The following TMCO5A variants were observed in gnomAD, a reference collection of about 807,000 sequenced individuals.
The protein encoded by TMCO5A is transmembrane and coiled-coil domains 5A.
Under a neutral mutation model 42.3 loss-of-function variants are expected in TMCO5A, and 34 were observed. The observed-to-expected ratio is 0.80, with a 90% CI of 0.61 to 1.07. The LOEUF is 1.07. Ranked by LOEUF, TMCO5A falls within the 50% of genes least tolerant of loss-of-function variation. The pLI is 0.00. For missense variants in TMCO5A, 357 were observed against 327.9 expected (o/e 1.09, Z -0.69); for synonymous variants, 131 against 115.6 (o/e 1.13, Z -0.86).
Position 37,934,702 on chromosome 15 carries a change from T to C in TMCO5A, c.-103+8T>C, listed in dbSNP as rs1250522685. On this transcript the variant is annotated splice_region_variant and intron_variant, in intron 1 of 11. Coordinates refer to ENST00000319669, the MANE Select transcript of TMCO5A (RefSeq NM_152453.4). ...ACACATCAAAAAGGGGAGGTAGAGT[T>C]TGTAGAAGAAATAAAGGGGAAAAAA... 1 of 152,086 alleles carries C rather than the reference T, an allele frequency of 6.6e-6. No individual in the cohort carries two copies. The highest frequency in any genetic ancestry group is 2.4e-5 in the African/African-American group (1 of 41,418). 9.4% of individuals were successfully genotyped at this position (152,086 alleles called of 1,614,324 possible).
At chr15:37,945,225 C>T (rs1173001608) in intron 10 of TMCO5A, among the ~76,000 whole-genome samples, 1 of 152,104 alleles carries the variant, frequency 6.6e-6, no homozygotes, top group Non-Finnish European at 1.5e-5. Flanking sequence ...TTTATGGCCG[C>T]ATAGTATTCC....
chr15:37,965,902 G>C (rs919475013), intron 11 of TMCO5A, among the ~76,000 whole-genome samples: 85 of 152,206 alleles, frequency 5.6e-4, no homozygotes, highest in African/African-American at 2.0e-3. Context: ...TCCCACTGCT[G>C]GGTATATACT....
At chr15:37,995,286 A>G in the TMCO5A span, among the ~76,000 whole-genome samples, 1 of 152,220 alleles carries the variant, frequency 6.6e-6, no homozygotes, top group Non-Finnish European at 1.5e-5. Flanking sequence ...CATGCTCTTA[A>G]GACTTAAAGC....
chr15:37,999,819 A>T, the TMCO5A span, among the ~76,000 whole-genome samples: 9 of 152,142 alleles, frequency 5.9e-5, no homozygotes, highest in Admixed American at 4.6e-4. Context: ...GATATAATGT[A>T]TCATGCTGAT....
chr15:37,983,091 G>T, the TMCO5A span, among the ~76,000 whole-genome samples: 1 of 152,044 alleles, frequency 6.6e-6, no homozygotes, highest in African/African-American at 2.4e-5. Context: ...TATCCGTACA[G>T]TAAGCTGAGT....
At position 37,950,329 on chromosome 15, in the gene TMCO5A, C is replaced by T. The variant is rs1000290646; in HGVS notation, c.669-707C>T. Among the ~76,000 whole-genome samples, 18 of 152,116 alleles carry T rather than the reference C, an allele frequency of 1.2e-4. No homozygotes were observed. In the South Asian group the frequency reaches 1.7e-3, roughly 14 times the overall value. On this transcript the variant is annotated intron_variant, in intron 11 of 11. Coordinates refer to ENST00000319669, the MANE Select transcript of TMCO5A (RefSeq NM_152453.4). ...TTTTTAAAAAGGACACAGAAAGCAT[C>T]GATCCTAATTAAAGAAAAGATGGAC...
At chr15:37,997,169 G>T in the TMCO5A span, among the ~76,000 whole-genome samples, 1 of 152,156 alleles carries the variant, frequency 6.6e-6, no homozygotes, top group Non-Finnish European at 1.5e-5. Context: ...CGGCAACAAT[G>T]AGTTTGAAAG....
At chr15:37,966,949 G>T (rs1890573289) in exon 12 of TMCO5A, 4 of 409,008 alleles carry the variant, frequency 9.8e-6, no homozygotes, top group Non-Finnish European at 1.8e-5. Flanking sequence ...AAGGGGCTCA[G>T]TGCCTATGGA....
the TMCO5A span, among the ~76,000 whole-genome samples, chr15:37,999,442 G>C: frequency 6.6e-6 from 1 of 152,066 alleles, no homozygotes; most frequent in Non-Finnish European, 1.5e-5. Context: ...GATTTTTTAG[G>C]TTTTTCCAAA....
downstream of TMCO5A, among the ~76,000 whole-genome samples, chr15:37,955,095 T>C (rs2140802638): frequency 6.6e-6 from 1 of 152,048 alleles, no homozygotes; most frequent in South Asian, 2.1e-4. Context: ...TTTTTACTTA[T>C]CAACAATAAC....
chr15:38,032,954 G>A, the TMCO5A span, among the ~76,000 whole-genome samples: 7 of 136,778 alleles, frequency 5.1e-5, no homozygotes, highest in Non-Finnish European at 1.1e-4. Flanking sequence ...TTGAGACGGA[G>A]TCTCGCCTTG....
At chr15:37,983,903 T>G in the TMCO5A span, among the ~76,000 whole-genome samples, 1 of 152,042 alleles carries the variant, frequency 6.6e-6, no homozygotes, top group African/African-American at 2.4e-5. Context: ...TTTTGTATTT[T>G]TAGTAGAGAC....
At chr15:37,959,546 T>C (rs1231545936) in intron 11 of TMCO5A, among the ~76,000 whole-genome samples, 1 of 151,942 alleles carries the variant, frequency 6.6e-6, no homozygotes, top group Non-Finnish European at 1.5e-5. Context: ...CACAAATCAA[T>C]CAATGTGATT....
At chr15:37,937,536 A>G (rs1889564305) in intron 5 of TMCO5A, 140 bp downstream of exon 5, 2 of 825,316 alleles carry the variant, frequency 2.4e-6, no homozygotes, top group Non-Finnish European at 3.8e-6. Context: ...TCTCTAATCC[A>G]CTCTCCTGAG....
the TMCO5A span, among the ~76,000 whole-genome samples, chr15:38,013,823 A>G: frequency 1.3e-5 from 2 of 152,328 alleles, no homozygotes; most frequent in South Asian, 4.1e-4. Context: ...AAAACTATAT[A>G]CAAATTTATT....
intron 11 of TMCO5A, among the ~76,000 whole-genome samples, chr15:37,963,768 T>A (rs1890488766): frequency 6.6e-6 from 1 of 152,190 alleles, no homozygotes; most frequent in South Asian, 2.1e-4. Context: ...GATTGTGATA[T>A]TTTCCTGTTG....
chr15:38,015,032 C>A, the TMCO5A span, among the ~76,000 whole-genome samples: 2 of 151,422 alleles, frequency 1.3e-5, no homozygotes, highest in Non-Finnish European at 2.9e-5. Flanking sequence ...CAGGAAGCAT[C>A]CAGTATGAGA....
chr15:37,988,189 A>T, the TMCO5A span, among the ~76,000 whole-genome samples: 2 of 151,828 alleles, frequency 1.3e-5, no homozygotes, highest in Admixed American at 6.6e-5. Context: ...ATTTTTGTTT[A>T]TTTTTGTTTC....
chr15:38,021,812 CTT>C, the TMCO5A span, among the ~76,000 whole-genome samples: 43 of 136,236 alleles, frequency 3.2e-4, no homozygotes, highest in African/African-American at 5.9e-4. Flanking sequence ...TCGACAGTTT[CTT>C]TTTTTTTTTT....
Sources: allele counts gnomAD v4.1 joint callset (sites outside exome capture counted in the v4.1 genomes callset), GRCh38; gene constraint gnomAD v4.1.1; transcripts MANE v1.5; gene names NCBI Gene and HGNC (gene_info 2026-07-23, HGNC 2026-07-21).